ERICH3: variants seen among roughly 807,000 people sequenced by gnomAD.
The protein encoded by ERICH3 is glutamate rich 3, also known as glutamate-rich protein 3.
Under a neutral mutation model 131.1 loss-of-function variants are expected in ERICH3, and 126 were observed. That is an observed-to-expected ratio of 0.96 (90% CI 0.83 to 1.11). ERICH3 has a LOEUF of 1.11. Among genes scored for constraint, ERICH3 ranks in the 50% most tolerant of loss-of-function variants. ERICH3 has a pLI of 0.00. For synonymous variants in ERICH3, 695 were observed against 644.6 expected (o/e 1.08, Z -1.18); for missense variants, 2,050 against 1,810.7 (o/e 1.13, Z -2.40).
At chr1:74,588,998 C>T (rs1026177681) in intron 12 of ERICH3, among the ~76,000 whole-genome samples, 1 of 152,098 alleles carries the variant, frequency 6.6e-6, no homozygotes, top group African/African-American at 2.4e-5. Flanking sequence ...ACGCAATAGG[C>T]AATATTTATA....
chr1:74,630,223 G>A (rs1649548955), intron 7 of ERICH3, among the ~76,000 whole-genome samples: 1 of 152,142 alleles, frequency 6.6e-6, no homozygotes, highest in African/African-American at 2.4e-5. Flanking sequence ...TTGAGAGCAT[G>A]TTCATTGGCC....
chr1:74,659,324 ATGTGTG>A (rs34090049), intron 1 of ERICH3, among the ~76,000 whole-genome samples: 14 of 150,170 alleles, frequency 9.3e-5, no homozygotes, highest in Admixed American at 2.0e-4. Context: ...GCACAGGCGC[ATGTGTG>A]TGTGTGTGTG....
intron 6 of ERICH3, 56 bp downstream of exon 6, chr1:74,636,224 C>A: frequency 7.2e-7 from 1 of 1,387,464 alleles, no homozygotes; most frequent in Non-Finnish European, 9.7e-7. Flanking sequence ...ACTGTAATAA[C>A]CTATAATAAT....
At chr1:74,604,100 A>G (rs1648273918) in intron 10 of ERICH3, among the ~76,000 whole-genome samples, 1 of 151,910 alleles carries the variant, frequency 6.6e-6, no homozygotes, top group African/African-American at 2.4e-5. Flanking sequence ...TTTTATACAT[A>G]TTCTAAATTC....
At chr1:74,630,313 C>T (rs1649551351) in intron 7 of ERICH3, among the ~76,000 whole-genome samples, 1 of 152,122 alleles carries the variant, frequency 6.6e-6, no homozygotes, top group African/African-American at 2.4e-5. Context: ...TCCAAATATT[C>T]GCTGCCCTTT....
chr1:74,632,674 T>C (rs1214352863), intron 6 of ERICH3, among the ~76,000 whole-genome samples: 1 of 151,874 alleles, frequency 6.6e-6, no homozygotes, highest in Non-Finnish European at 1.5e-5. Context: ...CTATGAGAGA[T>C]CTCACCGGGC....
chr1:74,636,797 C>G (rs1015103038), intron 5 of ERICH3, among the ~76,000 whole-genome samples: 6 of 152,116 alleles, frequency 3.9e-5, no homozygotes, highest in African/African-American at 1.4e-4. Context: ...AATAATGTTC[C>G]TATTTTAGGG....
intron 11 of ERICH3, among the ~76,000 whole-genome samples, chr1:74,598,108 C>T (rs1008632819): frequency 1.3e-5 from 2 of 151,886 alleles, no homozygotes; most frequent in African/African-American, 2.4e-5. Context: ...GTTTTCCATA[C>T]ATTTTCTTAT....
At chr1:74,598,520 T>A (rs971218623) in intron 11 of ERICH3, among the ~76,000 whole-genome samples, 2 of 151,250 alleles carry the variant, frequency 1.3e-5, no homozygotes, top group African/African-American at 4.9e-5. Flanking sequence ...TAAAAAAAAA[T>A]TGAATGAAAG....
At chr1:74,671,133 C>A (rs915009186) in intron 1 of ERICH3, among the ~76,000 whole-genome samples, 3 of 152,002 alleles carry the variant, frequency 2.0e-5, no homozygotes, top group Admixed American at 2.0e-4. Flanking sequence ...TGAACATAGA[C>A]CCTTATCAGT....
chr1:74,671,294 A>G (rs755997318), intron 1 of ERICH3, among the ~76,000 whole-genome samples: 5 of 151,846 alleles, frequency 3.3e-5, no homozygotes, highest in Non-Finnish European at 5.9e-5. Context: ...CCTTATCAGT[A>G]GTTCTGCTTT....
chr1:74,665,503 T>C (rs1646683177), intron 1 of ERICH3, among the ~76,000 whole-genome samples: 2 of 152,086 alleles, frequency 1.3e-5, no homozygotes, highest in African/African-American at 4.8e-5. Flanking sequence ...TACAAACAGG[T>C]TGCGTTAGTT....
At chr1:74,606,518 T>C (rs1648398170) in intron 10 of ERICH3, 83 bp downstream of exon 10, 2 of 1,416,268 alleles carry the variant, frequency 1.4e-6, no homozygotes, top group Non-Finnish European at 1.9e-6. Flanking sequence ...TTAATGGGTA[T>C]TTTTGAAAAT....
intron 11 of ERICH3, among the ~76,000 whole-genome samples, chr1:74,594,273 C>CGTGTGTGTGTGTGTGTGT (rs10655150): frequency 2.9e-4 from 42 of 144,886 alleles, no homozygotes; most frequent in Middle Eastern, 3.5e-3. Flanking sequence ...AAAAATGGGG[C>CGTGTGTGTGTGTGTGTGT]GTGTGTGTGT....
intron 1 of ERICH3, among the ~76,000 whole-genome samples, chr1:74,665,045 G>A (rs971775637): frequency 6.6e-6 from 1 of 152,024 alleles, no homozygotes; most frequent in Non-Finnish European, 1.5e-5. Flanking sequence ...TATTGTATTA[G>A]GAGATGGGTT....
intron 7 of ERICH3, chr1:74,622,821 C>A (rs2100613162): frequency 6.6e-6 from 1 of 152,204 alleles, no homozygotes; most frequent in South Asian, 2.1e-4. Flanking sequence ...CTTTTCATTT[C>A]CTCTTATTCA....
At chr1:74,577,092 T>C (rs1278092840) in intron 12 of ERICH3, 156 bp from the exon 13 acceptor site, 1 of 613,932 alleles carries the variant, frequency 1.6e-6, no homozygotes, top group Non-Finnish European at 2.8e-6. Context: ...GATCTGAAAA[T>C]TCCTACCAGT....
chr1:74,609,164 C>T (rs756967372), intron 9 of ERICH3, among the ~76,000 whole-genome samples: 18 of 152,136 alleles, frequency 1.2e-4, no homozygotes, highest in African/African-American at 2.9e-4. Flanking sequence ...AAAATTACTA[C>T]GCCTCTTCAA....
At chr1:74,580,942 C>T (rs934625749) in intron 12 of ERICH3, among the ~76,000 whole-genome samples, 2 of 152,142 alleles carry the variant, frequency 1.3e-5, no homozygotes, top group Non-Finnish European at 2.9e-5. Context: ...GCCTGGTAGT[C>T]TCCAATGGCT....
Sources: gnomAD v4.1 joint callset for allele counts (sites outside exome capture counted in the v4.1 genomes callset) on GRCh38, gnomAD v4.1.1 for gene constraint, MANE v1.5 for transcripts, NCBI Gene and HGNC (gene_info 2026-07-23, HGNC 2026-07-21) for gene names.